Variants in OTOGL observed in about 807,000 individuals in gnomAD.
The protein encoded by OTOGL is otogelin like.
A neutral mutation model predicts 318.5 loss-of-function variants in OTOGL; 285 were observed. That is an observed-to-expected ratio of 0.89 (90% CI 0.81 to 0.99). The LOEUF is 0.99. Among genes scored for constraint, OTOGL ranks in the 50% least tolerant of loss-of-function variants. The pLI is 0.00. For missense variants in OTOGL, 2,899 were observed against 2,845.6 expected (o/e 1.02, Z -0.43); for synonymous variants, 987 against 936.5 (o/e 1.05, Z -0.99).
At chr12:80,325,946 C>G (rs1233747000) in intron 35 of OTOGL, among the ~76,000 whole-genome samples, 2 of 152,088 alleles carry the variant, frequency 1.3e-5, no homozygotes, top group African/African-American at 2.4e-5. Flanking sequence ...GTGTATTGGG[C>G]TGTAGCTGTC....
intron 8 of OTOGL, among the ~76,000 whole-genome samples, chr12:80,230,205 G>T (rs2034530): frequency 6.6e-6 from 1 of 152,080 alleles, no homozygotes; most frequent in Non-Finnish European, 1.5e-5. Flanking sequence ...TTATCAACCC[G>T]TGTTGCTTTT....
At chr12:80,110,715 G>A (rs1390310259) in intron 1 of OTOGL, among the ~76,000 whole-genome samples, 1 of 152,122 alleles carries the variant, frequency 6.6e-6, no homozygotes, top group African/African-American at 2.4e-5. Context: ...ATAAACATAC[G>A]TGTGCATGTG....
At chr12:80,164,668 T>G (rs1448213284) in intron 1 of OTOGL, among the ~76,000 whole-genome samples, 2 of 152,168 alleles carry the variant, frequency 1.3e-5, no homozygotes, top group Non-Finnish European at 2.9e-5. Flanking sequence ...TTGTTGATGT[T>G]GTATTAACGC....
At chr12:80,307,925 C>T (rs372363486) in intron 29 of OTOGL, among the ~76,000 whole-genome samples, 2 of 122,354 alleles carry the variant, frequency 1.6e-5, no homozygotes, top group Non-Finnish European at 1.7e-5. Context: ...GGGGGCTGAC[C>T]CCCCCACCTC....
intron 1 of OTOGL, among the ~76,000 whole-genome samples, chr12:80,199,884 C>T (rs1454181701): frequency 6.6e-6 from 1 of 152,152 alleles, no homozygotes; most frequent in Non-Finnish European, 1.5e-5. Flanking sequence ...ATCTCAATTG[C>T]TTACAGGATC....
At chr12:80,264,117 A>G (rs1882763459) in intron 19 of OTOGL, among the ~76,000 whole-genome samples, 1 of 152,182 alleles carries the variant, frequency 6.6e-6, no homozygotes, top group Non-Finnish European at 1.5e-5. Context: ...CTGGTCTGTA[A>G]AAGACAATGA....
intron 57 of OTOGL, among the ~76,000 whole-genome samples, chr12:80,374,372 A>G (rs1891065400): frequency 6.6e-6 from 1 of 152,176 alleles, no homozygotes; most frequent in East Asian, 1.9e-4. Flanking sequence ...ATCACATTCT[A>G]AGATACACAG....
At chr12:80,178,373 T>A (rs960664594) in intron 1 of OTOGL, among the ~76,000 whole-genome samples, 13 of 151,374 alleles carry the variant, frequency 8.6e-5, no homozygotes, top group African/African-American at 3.0e-4. Flanking sequence ...TTATATGGTA[T>A]TTTTGGTTTT....
intron 1 of OTOGL, among the ~76,000 whole-genome samples, chr12:80,108,900 A>G (rs1400542791): frequency 7.7e-6 from 1 of 130,640 alleles, no homozygotes; most frequent in Non-Finnish European, 1.6e-5. Flanking sequence ...ATGTGTATAT[A>G]TATGTGTATA....
chr12:80,226,534 C>G (rs1195331091), intron 7 of OTOGL, among the ~76,000 whole-genome samples: 1 of 152,092 alleles, frequency 6.6e-6, no homozygotes, highest in Non-Finnish European at 1.5e-5. Flanking sequence ...CCTCAGTTTT[C>G]CTTCCCATCT....
At position 80,295,301 on chromosome 12, in the gene OTOGL, C is replaced by T. The variant is rs895969437; in HGVS notation, c.2929-1526C>T. On this transcript the variant is annotated intron_variant, in intron 26 of 58. Transcript: ENST00000547103. ...AAGCAATTCTCTTGCCTCAGCCTCC[C>T]GAGTAGCTGGGACTACAGGTGCGTG... 4.8e-4 allele frequency among the ~76,000 whole-genome samples: 73 copies of T among 151,784 alleles called. 1 individual carries two copies. Among genetic ancestry groups the T allele is most frequent in the African/African-American group, 1.5e-3 (63 of 41,354 alleles).
At position 80,228,968 on chromosome 12, in the gene OTOGL, C is replaced by T. The variant is rs1879122112; in HGVS notation, c.490-289C>T. ...GCACTCCAGAGTTTTACTATTAGAA[C>T]TAATTTCTCCCAAAGCATACCATGT... On this transcript the variant is annotated intron_variant, in intron 7 of 58. Coordinates refer to ENST00000547103, the MANE Select transcript of OTOGL (RefSeq NM_001378609.3). Among the ~76,000 whole-genome samples, 3 of 152,120 alleles carry T rather than the reference C, an allele frequency of 2.0e-5. No individual in the cohort carries two copies. The South Asian group carries it at 6.2e-4, about 32-fold the overall frequency.
At chr12:80,346,346 A>G (rs532234232) in intron 44 of OTOGL, among the ~76,000 whole-genome samples, 1 of 152,108 alleles carries the variant, frequency 6.6e-6, no homozygotes, top group Non-Finnish European at 1.5e-5. Flanking sequence ...TCTAAAAGTT[A>G]CTTTGATTAA....
At chr12:80,331,487 T>C (rs1888065015) in intron 37 of OTOGL, among the ~76,000 whole-genome samples, 1 of 151,718 alleles carries the variant, frequency 6.6e-6, no homozygotes, top group Admixed American at 6.6e-5. Flanking sequence ...ACTACAGGCA[T>C]GCACCACATG....
chr12:80,321,895 C>G (rs1172987321), intron 34 of OTOGL, among the ~76,000 whole-genome samples: 1 of 152,188 alleles, frequency 6.6e-6, no homozygotes, highest in Non-Finnish European at 1.5e-5. Context: ...AGCCAGTCCT[C>G]TAGGCTCAGA....
chr12:80,341,977 C>T lies in OTOGL; in HGVS notation c.5080C>T (p.Leu1694=). Reference sequence around the variant, plus strand: ...TTGCAATGAAGATCCGGATGATGATCTAAGGATGCAAAATGGCACAATTAT... The same window carrying T: ...TTGCAATGAAGATCCGGATGATGATTTAAGGATGCAAAATGGCACAATTAT... ...GICNEDPDDD[L]RMQNGTIITN... Residue 1694 remains leucine (L), a synonymous_variant, in exon 44 of 59, where the codon CTA becomes TTA. Coordinates refer to ENST00000547103, the MANE Select transcript of OTOGL (RefSeq NM_001378609.3). The T allele has an allele frequency of 6.2e-7, 1 of 1,607,666 alleles. No individual in the cohort carries two copies. The highest frequency in any genetic ancestry group is 1.1e-5 in the South Asian group (1 of 89,748).
intron 1 of OTOGL, among the ~76,000 whole-genome samples, chr12:80,139,228 G>A (rs1042590192): frequency 4.6e-5 from 7 of 152,128 alleles, no homozygotes; most frequent in African/African-American, 1.7e-4. Context: ...GTGCATTTCT[G>A]CGGTAGGATC....
intron 28 of OTOGL, among the ~76,000 whole-genome samples, chr12:80,304,326 A>G (rs1885967245): frequency 6.6e-6 from 1 of 152,102 alleles, no homozygotes; most frequent in Non-Finnish European, 1.5e-5. Flanking sequence ...TACTATTTAA[A>G]ATATTTAAAA....
rs1555303016 is a variant in OTOGL at position 80,355,226 on chromosome 12, T to TTC, written c.5594-509_5594-508insCT. On this transcript the variant is annotated intron_variant, in intron 46 of 58. Coordinates refer to ENST00000547103, the MANE Select transcript of OTOGL (RefSeq NM_001378609.3). Reference sequence around the variant, plus strand: ...TTTTTTCTTTTCTTTCTTTCTTTCTTTTCTTTTTTTTTTTTTTTTTTTGAG... The same window carrying TTC: ...TTTTTTCTTTTCTTTCTTTCTTTCTTTCTTCTTTTTTTTTTTTTTTTTTTGAG... 2.2e-3 allele frequency among the ~76,000 whole-genome samples: 178 copies of TTC among 80,214 alleles called. 11 individuals carry two copies. Among genetic ancestry groups the TTC allele is most frequent in the African/African-American group, 0.013 (159 of 12,060 alleles). The allele number at this position is 80,214 out of a possible 152,430, so 52.6% of individuals were successfully genotyped here. A position where few individuals can be genotyped will look rare whatever the true frequency, so the allele number is the denominator to read the frequency against.
Sources: allele counts gnomAD v4.1 joint callset (sites outside exome capture counted in the v4.1 genomes callset), GRCh38; gene constraint gnomAD v4.1.1; transcripts MANE v1.5; gene names NCBI Gene and HGNC (gene_info 2026-07-23, HGNC 2026-07-21).